Variants in GGT1 observed in about 807,000 individuals in gnomAD.
The protein encoded by GGT1 is gamma-glutamyltransferase 1.
A neutral mutation model predicts 56.0 loss-of-function variants in GGT1; 21 were observed. That is an observed-to-expected ratio of 0.38 (90% CI 0.27 to 0.54). The LOEUF is 0.54. Among genes scored for constraint, GGT1 ranks in the 20% least tolerant of loss-of-function variants. The pLI is 0.82. For missense variants in GGT1, 466 were observed against 787.0 expected, an observed-to-expected ratio of 0.59 and a Z score of 4.88; for synonymous variants, 238 against 342.6, an observed-to-expected ratio of 0.69 and a Z score of 3.37.
chr22:24,586,993 C>T, the GGT1 span, among the ~76,000 whole-genome samples: 3 of 152,190 alleles, frequency 2.0e-5, no homozygotes, highest in Non-Finnish European at 1.5e-5. Flanking sequence ...GCCCAGCATC[C>T]CACACCTGTT....
chr22:24,618,831 C>G lies in GGT1; in HGVS notation c.383-1497C>G, dbSNP rs538527320. ...CATCTCTCGCAAGAGCAGGAGAGTC[C>G]CTGGGGGCAGAGGCCATAGTTGTAC... On this transcript the variant is annotated intron_variant, in intron 7 of 15. Coordinates refer to ENST00000400382, the MANE Select transcript of GGT1 (RefSeq NM_001288833.2). 1.7e-3 allele frequency among the ~76,000 whole-genome samples: 262 copies of G among 152,204 alleles called. 1 individual carries two copies. Among genetic ancestry groups the G allele is most frequent in the African/African-American group, 6.0e-3 (248 of 41,528 alleles).
upstream of GGT1, chr22:24,589,885 G>C (rs150007743): frequency 1.2e-6 from 2 of 1,613,666 alleles, no homozygotes; most frequent in Admixed American, 1.7e-5. Flanking sequence ...GGGGTCGACC[G>C]GGTTGAGGAA....
chr22:24,591,607 G>T (rs2045570490), upstream of GGT1, among the ~76,000 whole-genome samples: 1 of 152,348 alleles, frequency 6.6e-6, no homozygotes, highest in South Asian at 2.1e-4. Flanking sequence ...CCCAACCTCT[G>T]AGACACAAAG....
intron 11 of GGT1, among the ~76,000 whole-genome samples, chr22:24,625,685 G>A (rs2047708512): frequency 6.6e-6 from 1 of 151,888 alleles, no homozygotes. Context: ...GGGATTACAG[G>A]CGCCCGCCAC....
intron 1 of GGT1, chr22:24,607,629 AG>A (rs899447396): frequency 6.3e-5 from 10 of 159,826 alleles, no homozygotes; most frequent in African/African-American, 2.4e-4. Context: ...CCTCCCAGCC[AG>A]GCTGGACCTC....
At chr22:24,590,493 G>C (rs2045537069), upstream of GGT1, among the ~76,000 whole-genome samples, 1 of 152,102 alleles carries the variant, frequency 6.6e-6, no homozygotes, top group Non-Finnish European at 1.5e-5. Flanking sequence ...AGAACCCTTA[G>C]ACCAGTTCCC....
chr22:24,619,874 C>G (rs3865654), intron 7 of GGT1, among the ~76,000 whole-genome samples: 1 of 151,036 alleles, frequency 6.6e-6, no homozygotes, highest in Non-Finnish European at 1.5e-5. Flanking sequence ...GGCACCTGCA[C>G]AGACAGACAC....
upstream of GGT1, among the ~76,000 whole-genome samples, chr22:24,593,397 C>T (rs1398686021): frequency 2.7e-5 from 4 of 146,618 alleles, no homozygotes; most frequent in East Asian, 7.9e-4. Flanking sequence ...GCATTCTAGG[C>T]GGGGTGGGGG....
chr22:24,623,095 G>C lies in GGT1; in HGVS notation c.734-12G>C. ...CATCCCAGCACCCATTTGAGCTGCT[G>C]TCCCATTGCAGGGGGCATTGTGACA... On this transcript the variant is annotated splice_polypyrimidine_tract_variant and intron_variant, in intron 9 of 15. Transcript: ENST00000400382. The C allele has an allele frequency of 6.2e-7, 1 of 1,611,882 alleles. No individual in the cohort carries two copies. The highest frequency in any genetic ancestry group is 1.3e-5 in the African/African-American group (1 of 74,972).
At chr22:24,619,884 C>G (rs1473981429) in intron 7 of GGT1, among the ~76,000 whole-genome samples, 1 of 150,854 alleles carries the variant, frequency 6.6e-6, no homozygotes, top group East Asian at 1.9e-4. Flanking sequence ...CAGACAGACA[C>G]CTCATCCTGG....
the GGT1 span, among the ~76,000 whole-genome samples, chr22:24,584,940 C>G: frequency 6.6e-6 from 1 of 151,948 alleles, no homozygotes; most frequent in Non-Finnish European, 1.5e-5. Flanking sequence ...GGAGACACTT[C>G]CCCCTGCCAA....
chr22:24,616,752 G>T (rs1291993357), intron 7 of GGT1, among the ~76,000 whole-genome samples: 1 of 151,748 alleles, frequency 6.6e-6, no homozygotes, highest in Non-Finnish European at 1.5e-5. Flanking sequence ...TCACTATGTT[G>T]CCCAGGCTGG....
At chr22:24,597,272 T>TTG (rs2147191186) in intron 1 of GGT1, among the ~76,000 whole-genome samples, 1 of 152,282 alleles carries the variant, frequency 6.6e-6, no homozygotes, top group South Asian at 2.1e-4. Context: ...TGAGCCACTG[T>TTG]GCCCAACAGG....
upstream of GGT1, chr22:24,592,325 A>G (rs2045594150): frequency 4.3e-6 from 2 of 469,652 alleles, no homozygotes; most frequent in African/African-American, 4.0e-5. Context: ...CTGGTGATGC[A>G]TGGATGGCTC....
chr22:24,625,643 G>T (rs1462764554), intron 11 of GGT1, among the ~76,000 whole-genome samples: 1 of 151,778 alleles, frequency 6.6e-6, no homozygotes, highest in South Asian at 2.1e-4. Flanking sequence ...CTGGGTTCAC[G>T]CCATTCTCCT....
chr22:24,601,098 C>G (rs2045773467), upstream of GGT1, among the ~76,000 whole-genome samples: 1 of 152,154 alleles, frequency 6.6e-6, no homozygotes, highest in Non-Finnish European at 1.5e-5. Flanking sequence ...GTGCAGGACA[C>G]CAGGAGACAC....
chr22:24,593,095 T>C, upstream of GGT1: 1 of 1,033,842 alleles, frequency 9.7e-7, no homozygotes, highest in Non-Finnish European at 1.2e-6. Flanking sequence ...TGCGCCCCGC[T>C]CCCGGGGCCG....
chr22:24,601,879 T>C (rs28509371), upstream of GGT1, among the ~76,000 whole-genome samples: 52,400 of 152,022 alleles, frequency 0.34, 9,292 homozygotes, highest in Middle Eastern at 0.5. Flanking sequence ...AGCCAGCCTC[T>C]ACCTAGCACC....
intron 7 of GGT1, among the ~76,000 whole-genome samples, chr22:24,616,554 C>CTTTTTTTTTTTTT (rs113675142): frequency 7.6e-6 from 1 of 131,994 alleles, no homozygotes; most frequent in African/African-American, 2.8e-5. Context: ...TTTTTTTTTT[C>CTTTTTTTTTTTTT]TTTTTTTTTT....
Sources: allele counts gnomAD v4.1 joint callset (sites outside exome capture counted in the v4.1 genomes callset), GRCh38; gene constraint gnomAD v4.1.1; transcripts MANE v1.5; gene names NCBI Gene and HGNC (gene_info 2026-07-23, HGNC 2026-07-21).